TTC28: variants seen among roughly 807,000 people sequenced by gnomAD.
TTC28 encodes tetratricopeptide repeat domain 28.
TTC28 carries 61 observed loss-of-function variants against 198.0 expected under a neutral mutation model. The observed-to-expected ratio is 0.31, with a 90% CI of 0.25 to 0.38. TTC28 has a LOEUF of 0.38. TTC28 is among the 10% of genes least tolerant of loss of function. The pLI is 1.00. For missense variants in TTC28, 2,678 were observed against 3,164.0 expected, an observed-to-expected ratio of 0.85 and a Z score of 3.69; for synonymous variants, 1,171 against 1,297.8, an observed-to-expected ratio of 0.90 and a Z score of 2.10.
chr22:28,644,398 CAAAAA>C (rs550663869), intron 1 of TTC28, among the ~76,000 whole-genome samples: 1 of 114,628 alleles, frequency 8.7e-6, no homozygotes, highest in Non-Finnish European at 1.8e-5. Context: ...GACTCCATCT[CAAAAA>C]AAAAAAAAAA....
At position 28,167,638 on chromosome 22, in the gene TTC28, T is replaced by C. The variant is rs540668284; in HGVS notation, c.934-4039A>G. ...TTCAACAATGCTTCATGCTAAAATC[T>C]CTCTATAAATTAGGTACTGATGGGA... On this transcript the variant is annotated intron_variant, in intron 5 of 22. Coordinates refer to ENST00000397906, the MANE Select transcript of TTC28 (RefSeq NM_001145418.2). Among the ~76,000 whole-genome samples, 4 of 152,288 alleles carry C rather than the reference T, an allele frequency of 2.6e-5. No individual in the cohort carries two copies. The South Asian group carries it at 8.3e-4, about 32-fold the overall frequency.
chr22:28,567,701 G>A (rs954116187), intron 2 of TTC28, among the ~76,000 whole-genome samples: 5 of 151,000 alleles, frequency 3.3e-5, no homozygotes, highest in South Asian at 2.1e-4. Context: ...ACCCTTTCTC[G>A]GGAAGCTGCT....
chr22:28,162,542 A>G (rs1921331249), intron 6 of TTC28, among the ~76,000 whole-genome samples: 1 of 152,178 alleles, frequency 6.6e-6, no homozygotes, highest in African/African-American at 2.4e-5. Flanking sequence ...CTTTCTATAC[A>G]TTAAAAGGTT....
intron 2 of TTC28, among the ~76,000 whole-genome samples, chr22:28,378,636 T>A (rs1015095295): frequency 6.6e-5 from 10 of 151,712 alleles, no homozygotes; most frequent in African/African-American, 2.2e-4. Flanking sequence ...TAGAGCAAGA[T>A]TCTGTGTCAA....
intron 6 of TTC28, among the ~76,000 whole-genome samples, chr22:28,116,044 T>C (rs1942618853): frequency 6.6e-6 from 1 of 152,212 alleles, no homozygotes; most frequent in Non-Finnish European, 1.5e-5. Flanking sequence ...TTGCTATACA[T>C]TTATTTCTCC....
chr22:28,539,429 G>A (rs573973680), intron 2 of TTC28, among the ~76,000 whole-genome samples: 87 of 152,142 alleles, frequency 5.7e-4, no homozygotes, highest in African/African-American at 2.0e-3. Context: ...GAGCCCAGGG[G>A]TTCCAGACCA....
chr22:28,505,081 C>T (rs1390520749), intron 2 of TTC28, among the ~76,000 whole-genome samples: 1 of 150,910 alleles, frequency 6.6e-6, no homozygotes, highest in Non-Finnish European at 1.5e-5. Context: ...ACGGTGAAAC[C>T]CCGTCTCTAT....
chr22:28,105,388 A>G lies in TTC28; in HGVS notation c.3198T>C (p.Ile1066=), dbSNP rs1285818751. 7.7e-6 allele frequency: 12 copies of G among 1,551,718 alleles called. 1 individual carries two copies. The South Asian group carries it at 1.4e-4, about 18-fold the overall frequency. The part of the protein sequence containing the change: ...AVVYQEQHLS[I]AAQMNDLAAK... Reference sequence around the variant, plus strand: ...CCGCCAAGTCATTCATCTGTGCAGCAATGCTCAAGTGCTGTTCTTGATAGA... The same window carrying G: ...CCGCCAAGTCATTCATCTGTGCAGCGATGCTCAAGTGCTGTTCTTGATAGA... Residue 1066 remains isoleucine (I), a synonymous_variant, in exon 8 of 23, where the codon ATT becomes ATC. Transcript: ENST00000397906.
intron 5 of TTC28, among the ~76,000 whole-genome samples, chr22:28,253,522 G>A (rs1174914870): frequency 6.6e-6 from 1 of 152,188 alleles, no homozygotes; most frequent in Non-Finnish European, 1.5e-5. Flanking sequence ...GAACTTTGCT[G>A]TCTTAGTCAC....
At chr22:27,990,651 C>A in intron 20 of TTC28, 138 bp downstream of exon 20, 1 of 756,620 alleles carries the variant, frequency 1.3e-6, no homozygotes, top group Non-Finnish European at 2.1e-6. Context: ...GCAGTGCGCA[C>A]CCGCGGGGGC....
intron 3 of TTC28, chr22:28,303,899 C>G (rs964912541): frequency 5.3e-5 from 8 of 150,306 alleles, no homozygotes; most frequent in African/African-American, 2.0e-4. Flanking sequence ...CATAACAGAT[C>G]AGACGTATAT....
chr22:28,593,528 GATCA>G (rs2050478372), intron 2 of TTC28, among the ~76,000 whole-genome samples: 1 of 152,132 alleles, frequency 6.6e-6, no homozygotes, highest in East Asian at 1.9e-4. Flanking sequence ...TAGGTGGATC[GATCA>G]ATCAATCGAT....
intron 2 of TTC28, among the ~76,000 whole-genome samples, chr22:28,370,792 G>C (rs531135552): frequency 2.0e-5 from 3 of 152,156 alleles, no homozygotes; most frequent in Non-Finnish European, 4.4e-5. Context: ...GGGAGTAAGA[G>C]AAAAGGAACA....
chr22:28,550,870 T>C (rs2049656039), intron 2 of TTC28, among the ~76,000 whole-genome samples: 1 of 152,098 alleles, frequency 6.6e-6, no homozygotes, highest in Admixed American at 6.6e-5. Flanking sequence ...GAAAAAGATA[T>C]TCCATGCAAA....
At chr22:28,659,802 ATTT>A (rs74654093) in intron 1 of TTC28, among the ~76,000 whole-genome samples, 1 of 146,546 alleles carries the variant, frequency 6.8e-6, no homozygotes, top group East Asian at 2.0e-4. Context: ...TCTGAAATGC[ATTT>A]TTTTTTTTCT....
intron 2 of TTC28, among the ~76,000 whole-genome samples, chr22:28,482,109 C>G (rs2048254655): frequency 6.6e-6 from 1 of 151,946 alleles, no homozygotes; most frequent in African/African-American, 2.4e-5. Flanking sequence ...TTTTTCTTCT[C>G]CCATATGAAT....
chr22:28,007,482 C>T (rs1315774626), intron 14 of TTC28: 2 of 152,202 alleles, frequency 1.3e-5, no homozygotes, highest in Admixed American at 6.5e-5. Context: ...ATTGGAGAAA[C>T]GTGACCAATG....
At chr22:28,417,993 G>A (rs2146158617) in intron 2 of TTC28, among the ~76,000 whole-genome samples, 1 of 152,264 alleles carries the variant, frequency 6.6e-6, no homozygotes, top group South Asian at 2.1e-4. Flanking sequence ...TTTACCTTTT[G>A]TCTGACTGTA....
At chr22:28,339,804 C>G (rs1331694335) in intron 2 of TTC28, among the ~76,000 whole-genome samples, 1 of 152,124 alleles carries the variant, frequency 6.6e-6, no homozygotes, top group East Asian at 1.9e-4. Flanking sequence ...CTTTCTTTGA[C>G]TAGGAAAGGG....
Sources: gnomAD v4.1 joint callset for allele counts (sites outside exome capture counted in the v4.1 genomes callset) on GRCh38, gnomAD v4.1.1 for gene constraint, MANE v1.5 for transcripts, NCBI Gene and HGNC (gene_info 2026-07-23, HGNC 2026-07-21) for gene names.